GRIK4: variants seen among roughly 807,000 people sequenced by gnomAD.
GRIK4 encodes the protein glutamate receptor ionotropic, kainate 4.
A neutral mutation model predicts 104.9 loss-of-function variants in GRIK4; 40 were observed. That is an observed-to-expected ratio of 0.38 (90% CI 0.30 to 0.50). The LOEUF is 0.50. Among genes scored for constraint, GRIK4 ranks in the 20% least tolerant of loss-of-function variants. The pLI is 0.93. For synonymous variants in GRIK4, 485 were observed against 524.9 expected (o/e 0.92, Z 1.04); for missense variants, 1,047 against 1,308.1 (o/e 0.80, Z 3.08).
intron 13 of GRIK4, among the ~76,000 whole-genome samples, chr11:120,918,501 G>A (rs2134557875): frequency 6.6e-6 from 1 of 152,336 alleles, no homozygotes; most frequent in East Asian, 1.9e-4. Context: ...TGCAGGTTAA[G>A]ACATGGTGAA....
At chr11:120,793,918 C>T (rs1185736477) in intron 3 of GRIK4, among the ~76,000 whole-genome samples, 5 of 86,758 alleles carry the variant, frequency 5.8e-5, no homozygotes, top group African/African-American at 1.9e-4. Context: ...GAGAGCCAGG[C>T]GGTGTTTAGG....
intron 9 of GRIK4, chr11:120,871,976 A>G: frequency 2.2e-6 from 1 of 451,890 alleles, no homozygotes; most frequent in Non-Finnish European, 4.5e-6. Flanking sequence ...CTGGCCCAAC[A>G]TGTAGCAAAA....
chr11:120,690,113 A>C (rs534494230), intron 3 of GRIK4, among the ~76,000 whole-genome samples: 2 of 152,318 alleles, frequency 1.3e-5, no homozygotes, highest in South Asian at 4.1e-4. Flanking sequence ...AGATCTGTGC[A>C]AACAGGTTAG....
At chr11:120,619,037 C>T (rs1273725412) in intron 1 of GRIK4, among the ~76,000 whole-genome samples, 1 of 152,160 alleles carries the variant, frequency 6.6e-6, no homozygotes, top group Non-Finnish European at 1.5e-5. Flanking sequence ...TATCTTGTGC[C>T]TGGAAAAGCT....
At chr11:120,783,958 G>C (rs1314986564) in intron 3 of GRIK4, among the ~76,000 whole-genome samples, 3 of 152,218 alleles carry the variant, frequency 2.0e-5, no homozygotes, top group African/African-American at 7.2e-5. Context: ...TAAGGAGGCA[G>C]TGTGTTACGG....
At chr11:120,662,941 A>G (rs12286406) in intron 3 of GRIK4, among the ~76,000 whole-genome samples, 7,309 of 152,248 alleles carry the variant, frequency 0.048, 538 homozygotes, top group African/African-American at 0.16. Context: ...CAAGTGAGGT[A>G]CAGGGCAGGA....
intron 3 of GRIK4, among the ~76,000 whole-genome samples, chr11:120,785,031 T>C (rs1346491396): frequency 6.6e-6 from 1 of 151,000 alleles, no homozygotes; most frequent in Non-Finnish European, 1.5e-5. Flanking sequence ...TTGTCTGCAC[T>C]AGACCTATGA....
At chr11:120,922,179 T>G (rs2134571580) in intron 13 of GRIK4, among the ~76,000 whole-genome samples, 1 of 152,320 alleles carries the variant, frequency 6.6e-6, no homozygotes. Context: ...TATTTAATCT[T>G]AGGACAACAT....
At chr11:120,630,456 T>G (rs1949319858) in intron 1 of GRIK4, among the ~76,000 whole-genome samples, 1 of 152,258 alleles carries the variant, frequency 6.6e-6, no homozygotes, top group South Asian at 2.1e-4. Context: ...GGCTCTGCAC[T>G]ATCAACAGTT....
intron 3 of GRIK4, among the ~76,000 whole-genome samples, chr11:120,769,234 C>A (rs1951894938): frequency 6.6e-6 from 1 of 151,730 alleles, no homozygotes; most frequent in Admixed American, 6.6e-5. Flanking sequence ...TCTGTTCAAG[C>A]TTTCTGTTTC....
intron 9 of GRIK4, among the ~76,000 whole-genome samples, chr11:120,864,280 G>A (rs371247126): frequency 4.0e-5 from 6 of 148,858 alleles, no homozygotes; most frequent in South Asian, 2.1e-4. Context: ...TTGCTCTTTC[G>A]CCCAGGCTGG....
chr11:120,985,029 A>T (rs1944717486), intron 20 of GRIK4, among the ~76,000 whole-genome samples: 1 of 151,878 alleles, frequency 6.6e-6, no homozygotes, highest in Non-Finnish European at 1.5e-5. Context: ...GGGTTTCACC[A>T]TGTTGGCCAG....
At chr11:120,894,610 A>G (rs528098776) in intron 11 of GRIK4, 1 of 152,448 alleles carries the variant, frequency 6.6e-6, no homozygotes, top group South Asian at 2.1e-4. Flanking sequence ...GACAGAAAGT[A>G]TAGAGGGAGC....
At chr11:120,547,052 G>T (rs1234864514) in intron 1 of GRIK4, among the ~76,000 whole-genome samples, 1 of 152,190 alleles carries the variant, frequency 6.6e-6, no homozygotes, top group Admixed American at 6.5e-5. Context: ...TTGGGCTCTG[G>T]CAGCGCTTCC....
chr11:120,976,759 A>C (rs1258809070), intron 19 of GRIK4, among the ~76,000 whole-genome samples: 1 of 152,226 alleles, frequency 6.6e-6, no homozygotes. Context: ...TCCTCTGTGC[A>C]AGTGGATTCT....
chr11:120,740,556 G>A (rs2135407208), intron 3 of GRIK4, among the ~76,000 whole-genome samples: 1 of 152,298 alleles, frequency 6.6e-6, no homozygotes, highest in East Asian at 1.9e-4. Context: ...GCTGGCAGAG[G>A]GGAGGTGAAC....
At chr11:120,518,591 AG>A (rs1947758569) in intron 1 of GRIK4, among the ~76,000 whole-genome samples, 1 of 152,136 alleles carries the variant, frequency 6.6e-6, no homozygotes, top group African/African-American at 2.4e-5. Context: ...GCATAAGCCC[AG>A]GGCTCCAGGC....
chr11:120,776,862 G>A (rs1424294415), intron 3 of GRIK4, among the ~76,000 whole-genome samples: 1 of 152,248 alleles, frequency 6.6e-6, no homozygotes, highest in African/African-American at 2.4e-5. Context: ...GCTCTCCGCA[G>A]AGCAAGAGAC....
chr11:120,795,846 C>T (rs772580264), intron 3 of GRIK4, among the ~76,000 whole-genome samples: 1 of 151,998 alleles, frequency 6.6e-6, no homozygotes, highest in Non-Finnish European at 1.5e-5. Context: ...CGGGGACACT[C>T]GAGTCCCTTG....
Sources: gnomAD v4.1 joint callset for allele counts (sites outside exome capture counted in the v4.1 genomes callset) on GRCh38, gnomAD v4.1.1 for gene constraint, MANE v1.5 for transcripts, NCBI Gene and HGNC (gene_info 2026-07-23, HGNC 2026-07-21) for gene names.